Variants in AGBL1 observed in about 807,000 individuals in gnomAD.
The protein encoded by AGBL1 is cytosolic carboxypeptidase 4.
AGBL1 carries 130 observed loss-of-function variants against 118.9 expected under a neutral mutation model. The observed-to-expected ratio is 1.09, with a 90% confidence interval of 0.95 to 1.26. AGBL1 has a LOEUF of 1.26. AGBL1 is among the 50% of genes most tolerant of loss of function. The pLI is 0.00. For synonymous variants in AGBL1, 555 were observed against 478.9 expected (o/e 1.16, Z -2.08); for missense variants, 1,584 against 1,298.1 (o/e 1.22, Z -3.38).
chr15:86,902,986 T>C (rs2080232139), intron 22 of AGBL1, among the ~76,000 whole-genome samples: 1 of 152,130 alleles, frequency 6.6e-6, no homozygotes, highest in Non-Finnish European at 1.5e-5. Context: ...ATTATTTCTT[T>C]GGATACCTTC....
intron 22 of AGBL1, among the ~76,000 whole-genome samples, chr15:86,824,433 T>A (rs1194117797): frequency 6.6e-6 from 1 of 152,018 alleles, no homozygotes; most frequent in African/African-American, 2.4e-5. Flanking sequence ...AGACAGAAAT[T>A]GAAAATCTAA....
intron 4 of AGBL1, among the ~76,000 whole-genome samples, chr15:86,157,670 C>G (rs1205887891): frequency 6.6e-6 from 1 of 152,148 alleles, no homozygotes; most frequent in East Asian, 1.9e-4. Flanking sequence ...TTCAAGAAGC[C>G]TGCGGATTAC....
At chr15:86,104,402 G>A (rs1176809727) in intron 1 of AGBL1, among the ~76,000 whole-genome samples, 1 of 152,186 alleles carries the variant, frequency 6.6e-6, no homozygotes, top group African/African-American at 2.4e-5. Context: ...TTTCACCCCA[G>A]TTGATGGCTG....
exon 25 of AGBL1, chr15:87,028,876 A>G: frequency 1.9e-6 from 3 of 1,589,736 alleles, no homozygotes; most frequent in Non-Finnish European, 2.6e-6. Flanking sequence ...ATTGAAGTTC[A>G]TGCCATGTGC....
At chr15:86,654,776 C>T (rs1692102741) in intron 21 of AGBL1, among the ~76,000 whole-genome samples, 1 of 152,008 alleles carries the variant, frequency 6.6e-6, no homozygotes, top group African/African-American at 2.4e-5. Flanking sequence ...TGATGATGGG[C>T]CCTGCCTAGT....
At chr15:86,793,507 A>C (rs892610980) in intron 22 of AGBL1, among the ~76,000 whole-genome samples, 1 of 152,232 alleles carries the variant, frequency 6.6e-6, no homozygotes, top group Non-Finnish European at 1.5e-5. Flanking sequence ...TGAAAACTAT[A>C]TATCTCTTAG....
At chr15:86,476,949 A>G (rs912904027) in intron 18 of AGBL1, among the ~76,000 whole-genome samples, 13 of 152,354 alleles carry the variant, frequency 8.5e-5, no homozygotes, top group African/African-American at 1.4e-4. Flanking sequence ...GCTCCACTAC[A>G]TGGAAACTGA....
chr15:86,986,505 C>T (rs2081284092), intron 23 of AGBL1, among the ~76,000 whole-genome samples: 1 of 151,812 alleles, frequency 6.6e-6, no homozygotes, highest in South Asian at 2.1e-4. Context: ...ATATAATATA[C>T]ATCTTATAAT....
chr15:86,358,155 C>A (rs957832894), intron 17 of AGBL1, among the ~76,000 whole-genome samples: 1 of 151,960 alleles, frequency 6.6e-6, no homozygotes, highest in African/African-American at 2.4e-5. Flanking sequence ...CTTAATTGAA[C>A]CTTTGCATCC....
At chr15:86,502,803 A>C (rs550331190) in intron 18 of AGBL1, among the ~76,000 whole-genome samples, 1 of 151,338 alleles carries the variant, frequency 6.6e-6, no homozygotes, top group Non-Finnish European at 1.5e-5. Context: ...CTTTTTTATA[A>C]GTTGTTAGAT....
At chr15:86,126,216 T>C (rs1898421253) in intron 1 of AGBL1, among the ~76,000 whole-genome samples, 1 of 152,212 alleles carries the variant, frequency 6.6e-6, no homozygotes, top group Non-Finnish European at 1.5e-5. Context: ...TCTGGAATCC[T>C]CTGTTTTTGG....
At position 86,462,154 on chromosome 15, in the gene AGBL1, G is replaced by A. The variant is rs1179776257; in HGVS notation, c.2556-60656G>A. Among the ~76,000 whole-genome samples, 3 of 152,310 alleles carry A rather than the reference G, an allele frequency of 2.0e-5. No homozygotes were observed. In the East Asian group the frequency reaches 5.8e-4, roughly 29 times the overall value. ...TATACACTTAGGAGTCAGAGATCTA[G>A]GTTGAAATTCTGTCATTTCCAGAAA... is the stretch of plus-strand genomic sequence containing the variant. On this transcript the variant is annotated intron_variant, in intron 18 of 22. Transcript: ENST00000614907.
rs1355742379 is a variant in AGBL1 at position 86,554,559 on chromosome 15, C to T, written c.2994+22C>T. On this transcript the variant is annotated intron_variant, in intron 21 of 22. Transcript: ENST00000614907. Reference sequence around the variant, plus strand: ...TCAGGTATGTGAGGCTGCAGGACACCCATACTTTCTGTCCAGCAACAATAC... The same window carrying T: ...TCAGGTATGTGAGGCTGCAGGACACTCATACTTTCTGTCCAGCAACAATAC... The T allele has an allele frequency of 2.8e-6, 4 of 1,447,214 alleles. No individual in the cohort carries two copies. The African/African-American group carries it at 5.8e-5, about 21-fold the overall frequency. 89.6% of individuals were successfully genotyped at this position (1,447,214 alleles called of 1,614,324 possible).
intron 18 of AGBL1, among the ~76,000 whole-genome samples, chr15:86,450,103 G>A (rs1370275694): frequency 6.6e-6 from 1 of 152,154 alleles, no homozygotes; most frequent in Admixed American, 6.5e-5. Context: ...ACATTGGCCT[G>A]TTGAAAATCA....
chr15:86,653,847 A>T (rs1416730277), intron 21 of AGBL1, among the ~76,000 whole-genome samples: 1 of 152,198 alleles, frequency 6.6e-6, no homozygotes, highest in East Asian at 1.9e-4. Flanking sequence ...CCCAGAGACC[A>T]AATACAGCAC....
At chr15:86,921,523 G>A (rs1348269136) in intron 23 of AGBL1, among the ~76,000 whole-genome samples, 1 of 152,156 alleles carries the variant, frequency 6.6e-6, no homozygotes, top group Non-Finnish European at 1.5e-5. Context: ...TTATCAGGTT[G>A]CTCACTTACT....
intron 21 of AGBL1, among the ~76,000 whole-genome samples, chr15:86,622,138 G>A (rs891591951): frequency 6.6e-5 from 10 of 152,106 alleles, no homozygotes; most frequent in African/African-American, 2.4e-4. Context: ...GACCAGCCTG[G>A]CCAACATGGT....
At chr15:86,785,367 T>C (rs553514477) in intron 22 of AGBL1, among the ~76,000 whole-genome samples, 1 of 138,850 alleles carries the variant, frequency 7.2e-6, no homozygotes, top group East Asian at 2.1e-4. Flanking sequence ...GTTCTTTTTT[T>C]TTTTTTTTTT....
chr15:86,711,737 T>A (rs2086561595), intron 22 of AGBL1, among the ~76,000 whole-genome samples: 1 of 152,184 alleles, frequency 6.6e-6, no homozygotes, highest in Non-Finnish European at 1.5e-5. Flanking sequence ...CACATGCTAT[T>A]GCCTGTGGCT....
Sources: gnomAD v4.1 joint callset for allele counts (sites outside exome capture counted in the v4.1 genomes callset) on GRCh38, gnomAD v4.1.1 for gene constraint, MANE v1.5 for transcripts, NCBI Gene and HGNC (gene_info 2026-07-23, HGNC 2026-07-21) for gene names.